The following MAP3K5 variants were observed in gnomAD, a reference collection of about 807,000 sequenced individuals.
MAP3K5 encodes the protein mitogen-activated protein kinase kinase kinase 5, also known as ASK-1.
Under a neutral mutation model 158.7 loss-of-function variants are expected in MAP3K5, and 56 were observed. The observed-to-expected ratio is 0.35, with a 90% CI of 0.28 to 0.44. The LOEUF (loss-of-function observed/expected upper bound fraction) is 0.44, where lower values mean the gene tolerates loss of function less well. MAP3K5 is among the 20% of genes least tolerant of loss of function. MAP3K5 has a pLI of 1.00. For synonymous variants in MAP3K5, 579 were observed against 601.7 expected (o/e 0.96, Z 0.55); for missense variants, 1,294 against 1,674.8 (o/e 0.77, Z 3.97).
At chr6:136,634,949 A>G (rs1261051811) in intron 14 of MAP3K5, among the ~76,000 whole-genome samples, 1 of 151,398 alleles carries the variant, frequency 6.6e-6, no homozygotes, top group Non-Finnish European at 1.5e-5. Flanking sequence ...CAGTGGCACA[A>G]TCTTGGCTCA....
chr6:136,654,971 G>A (rs1055322696), intron 10 of MAP3K5, among the ~76,000 whole-genome samples: 1 of 151,874 alleles, frequency 6.6e-6, no homozygotes, highest in South Asian at 2.1e-4. Flanking sequence ...GCTTAAGGAT[G>A]CCTCTCTCAA....
chr6:136,740,727 T>C (rs1333241272), intron 1 of MAP3K5, among the ~76,000 whole-genome samples: 1 of 152,266 alleles, frequency 6.6e-6, no homozygotes, highest in Non-Finnish European at 1.5e-5. Flanking sequence ...TGAGTTTTTA[T>C]GTTAGCTTAC....
Position 136,621,438 on chromosome 6 carries a change from C to T in MAP3K5, c.2150+1410G>A, listed in dbSNP as rs565573607. Among the ~76,000 whole-genome samples the T allele has an allele frequency of 1.1e-3, 174 of 152,266 alleles. 1 individual carries two copies. In the Middle Eastern group the frequency reaches 0.014, roughly 12 times the overall value. On this transcript the variant is annotated intron_variant, in intron 15 of 29. Transcript: ENST00000359015. ...TCAGGTTCTGACACTTGCTATGTTGCTTAAACTGTGTTTTTTGTCTTTCAG... is the reference window on the plus strand; with the variant it reads ...TCAGGTTCTGACACTTGCTATGTTGTTTAAACTGTGTTTTTTGTCTTTCAG...
At position 136,664,669 on chromosome 6, in the gene MAP3K5, A is replaced by G. The variant is rs542665116; in HGVS notation, c.1366+4614T>C. Among the ~76,000 whole-genome samples, 6 of 152,342 alleles carry G rather than the reference A, an allele frequency of 3.9e-5. No individual in the cohort carries two copies. The East Asian group carries it at 1.2e-3, about 29-fold the overall frequency. The stretch of plus-strand genomic sequence containing the variant: ...GACAATATTTCACAAGAGTTGCTGT[A>G]CACTCGGCCGGATGTGGTGGCTCAT... On this transcript the variant is annotated intron_variant, in intron 8 of 29. Transcript: ENST00000359015.
intron 7 of MAP3K5, among the ~76,000 whole-genome samples, chr6:136,678,918 G>T (rs754006431): frequency 2.6e-5 from 4 of 151,918 alleles, no homozygotes; most frequent in Admixed American, 6.6e-5. Context: ...TAGAGATGGG[G>T]TTTCACCATG....
At chr6:136,610,815 G>T (rs942299480) in intron 18 of MAP3K5, among the ~76,000 whole-genome samples, 4 of 151,928 alleles carry the variant, frequency 2.6e-5, no homozygotes, top group Non-Finnish European at 4.4e-5. Context: ...AGCATCAAAA[G>T]ATACCAACAT....
intron 25 of MAP3K5, among the ~76,000 whole-genome samples, chr6:136,575,883 T>C (rs1312910564): frequency 6.6e-6 from 1 of 152,194 alleles, no homozygotes; most frequent in Non-Finnish European, 1.5e-5. Flanking sequence ...TTTCTCCTTG[T>C]AGTTAGTAAA....
At chr6:136,724,811 C>T (rs1781898075) in intron 1 of MAP3K5, among the ~76,000 whole-genome samples, 1 of 152,110 alleles carries the variant, frequency 6.6e-6, no homozygotes, top group African/African-American at 2.4e-5. Context: ...AAAATTCATT[C>T]TCTTTGTCTC....
chr6:136,650,947 T>C (rs200160614), intron 11 of MAP3K5, 37 bp downstream of exon 11: 295 of 1,337,250 alleles, frequency 2.2e-4, no homozygotes, highest in Middle Eastern at 9.2e-4. Flanking sequence ...AAGTCCCTTG[T>C]TACTAATGCT....
intron 12 of MAP3K5, among the ~76,000 whole-genome samples, chr6:136,639,964 T>A (rs1351215345): frequency 6.6e-6 from 1 of 152,144 alleles, no homozygotes; most frequent in Non-Finnish European, 1.5e-5. Flanking sequence ...AGGAAAAGCA[T>A]AAATACCAAC....
intron 7 of MAP3K5, among the ~76,000 whole-genome samples, chr6:136,681,654 C>T (rs984867333): frequency 5.3e-5 from 8 of 152,038 alleles, no homozygotes; most frequent in African/African-American, 1.7e-4. Flanking sequence ...CAAAACGAAA[C>T]GCCTGTAATC....
At chr6:136,677,862 A>G (rs1022567288) in intron 7 of MAP3K5, among the ~76,000 whole-genome samples, 11 of 152,266 alleles carry the variant, frequency 7.2e-5, no homozygotes, top group Non-Finnish European at 1.5e-4. Context: ...AAGAATCTAT[A>G]GTACCTGCCT....
intron 1 of MAP3K5, among the ~76,000 whole-genome samples, chr6:136,755,372 C>T (rs1202409485): frequency 6.6e-6 from 1 of 152,100 alleles, no homozygotes; most frequent in Non-Finnish European, 1.5e-5. Context: ...CCTCTCCCAG[C>T]CCTCTAAACT....
chr6:136,559,051 T>G (rs1406338090), intron 28 of MAP3K5, among the ~76,000 whole-genome samples, 175 bp from the exon 29 acceptor site: 1 of 151,872 alleles, frequency 6.6e-6, no homozygotes, highest in Non-Finnish European at 1.5e-5. Context: ...ACTCAATAAA[T>G]ACAAAGAAAT....
chr6:136,630,369 T>C (rs975082241), intron 14 of MAP3K5: 1 of 152,266 alleles, frequency 6.6e-6, no homozygotes. Flanking sequence ...CTCTCCATTT[T>C]GTTCTCTGCC....
At chr6:136,775,289 G>C (rs1409975971) in intron 1 of MAP3K5, among the ~76,000 whole-genome samples, 1 of 152,174 alleles carries the variant, frequency 6.6e-6, no homozygotes, top group Non-Finnish European at 1.5e-5. Context: ...ATAGATTATG[G>C]CTCAAAAGTT....
intron 1 of MAP3K5, among the ~76,000 whole-genome samples, chr6:136,741,955 T>TA (rs1237140991): frequency 6.6e-6 from 1 of 152,094 alleles, no homozygotes; most frequent in Non-Finnish European, 1.5e-5. Flanking sequence ...ATAAAAACTA[T>TA]ATGAGGAAAT....
chr6:136,746,836 T>C (rs1183065471), intron 1 of MAP3K5, among the ~76,000 whole-genome samples: 1 of 152,242 alleles, frequency 6.6e-6, no homozygotes, highest in South Asian at 2.1e-4. Flanking sequence ...GTTTGCTACA[T>C]ACAGTTGAAA....
chr6:136,762,668 C>T (rs1175520700), intron 1 of MAP3K5, among the ~76,000 whole-genome samples: 1 of 152,154 alleles, frequency 6.6e-6, no homozygotes, highest in Non-Finnish European at 1.5e-5. Context: ...ACTTCCTGTC[C>T]TCTGTCTTTA....
Sources: gnomAD v4.1 joint callset for allele counts (sites outside exome capture counted in the v4.1 genomes callset) on GRCh38, gnomAD v4.1.1 for gene constraint, MANE v1.5 for transcripts, NCBI Gene and HGNC (gene_info 2026-07-23, HGNC 2026-07-21) for gene names.